CAPN5: variants seen among roughly 807,000 people sequenced by gnomAD.
CAPN5 encodes the protein calpain-5.
In CAPN5, 54 loss-of-function variants were observed where a neutral mutation model predicts 73.0. That is an observed-to-expected ratio of 0.74 (90% CI 0.59 to 0.93). CAPN5 has a LOEUF of 0.93. Among genes scored for constraint, CAPN5 ranks in the 40% least tolerant of loss-of-function variants. CAPN5 has a pLI of 0.00. For missense variants in CAPN5, 785 were observed against 882.9 expected (o/e 0.89, Z 1.41); for synonymous variants, 335 against 356.9 (o/e 0.94, Z 0.69).
chr11:77,102,856 C>T (rs146523768), intron 3 of CAPN5: 20 of 1,597,584 alleles, frequency 1.3e-5, no homozygotes, highest in South Asian at 5.6e-5. Context: ...GAGGACAGGC[C>T]GCAGCAGCCG....
chr11:77,093,657 C>T (rs782573127), intron 2 of CAPN5, 25 bp from the exon 3 acceptor site: 29 of 1,551,676 alleles, frequency 1.9e-5, no homozygotes, highest in South Asian at 2.3e-5. Context: ...CCGCCCCTCA[C>T]GCTCTCTCCT....
At chr11:77,093,616 C>A (rs1950176389) in intron 2 of CAPN5, 66 bp from the exon 3 acceptor site, 3 of 1,506,186 alleles carry the variant, frequency 2.0e-6, no homozygotes, top group Non-Finnish European at 8.9e-7. Flanking sequence ...TCTGTCATGT[C>A]TCCTGCCATG....
At chr11:77,085,153 C>A in intron 2 of CAPN5, 102 bp downstream of exon 2, 3 of 986,080 alleles carry the variant, frequency 3.0e-6, no homozygotes, top group Non-Finnish European at 4.6e-6. Context: ...GCATCCCTGG[C>A]CCCAGGCTGC....
intron 1 of CAPN5, among the ~76,000 whole-genome samples, chr11:77,081,734 G>A (rs1555034633): frequency 1.3e-5 from 2 of 152,180 alleles, no homozygotes; most frequent in Non-Finnish European, 2.9e-5. Context: ...GAATGTGCTA[G>A]GGCTACAGTC....
chr11:77,116,351 C>T (rs376572382), intron 7 of CAPN5, 48 bp downstream of exon 7: 28 of 1,472,262 alleles, frequency 1.9e-5, no homozygotes, highest in African/African-American at 1.1e-4. Flanking sequence ...GGGCTTCCCA[C>T]GGGCCTGGCG....
At chr11:77,080,294 T>A (rs1214587131) in intron 1 of CAPN5, among the ~76,000 whole-genome samples, 1 of 152,236 alleles carries the variant, frequency 6.6e-6, no homozygotes, top group Non-Finnish European at 1.5e-5. Context: ...ATGGCTCTGC[T>A]TATTCTGGGT....
At chr11:77,121,733 C>T (rs1331597516) in intron 10 of CAPN5, among the ~76,000 whole-genome samples, 1 of 152,188 alleles carries the variant, frequency 6.6e-6, no homozygotes, top group Non-Finnish European at 1.5e-5. Context: ...GGATGGGGTA[C>T]CCTTGATAGG....
At chr11:77,071,917 G>A (rs374510187) in intron 1 of CAPN5, among the ~76,000 whole-genome samples, 3 of 152,320 alleles carry the variant, frequency 2.0e-5, no homozygotes, top group African/African-American at 4.8e-5. Context: ...CCAGAGCCCC[G>A]GCCTGCCTGC....
At chr11:77,072,589 G>A (rs1307544863) in intron 1 of CAPN5, among the ~76,000 whole-genome samples, 4 of 152,316 alleles carry the variant, frequency 2.6e-5, no homozygotes, top group Non-Finnish European at 5.9e-5. Flanking sequence ...GGACAGGTTC[G>A]TGCCTCTGCC....
At chr11:77,116,706 C>A (rs1950472185) in intron 7 of CAPN5, among the ~76,000 whole-genome samples, 2 of 152,230 alleles carry the variant, frequency 1.3e-5, no homozygotes, top group South Asian at 4.1e-4. Context: ...CAGCCCCTCT[C>A]CAGGAAGCCC....
Position 77,119,072 on chromosome 11 carries a change from T to G in CAPN5, c.1210T>G (p.Cys404Gly), listed in dbSNP as rs782548747. ...VKKPEDEVLI[C>G]IQQRPKRSTR... ...GAAGCCAGAAGATGAAGTCCTGATC[T>G]GCATCCAGCAGCGGCCAAAGCGGTC... is the stretch of plus-strand genomic sequence containing the variant. The change falls in exon 9 of 13, where the codon TGC becomes GGC. Residue 404 changes from cysteine (C) to glycine (G), a missense_variant. Coordinates refer to ENST00000648180, the MANE Select transcript of CAPN5 (RefSeq NM_004055.5). 6.2e-7 allele frequency: 1 copy of G among 1,614,074 alleles called. No individual in the cohort carries two copies. The highest frequency in any genetic ancestry group is 8.5e-7 in the Non-Finnish European group (1 of 1,179,998).
At position 77,119,153 on chromosome 11, in the gene CAPN5, G is replaced by T; in HGVS notation, c.1290+1G>T. 6.2e-7 allele frequency: 1 copy of T among 1,608,820 alleles called. No homozygotes were observed. The highest frequency in any genetic ancestry group is 1.3e-5 in the African/African-American group (1 of 74,966). ...GGCCATTGGCTTTGACATCTACAAG[G>T]TGAGGCCAGCCGGGTCCCCTGCCGT... is the stretch of plus-strand genomic sequence containing the variant. On this transcript the variant is annotated splice_donor_variant, in intron 9 of 12. Transcript: ENST00000648180. LOFTEE classifies it high-confidence loss of function.
chr11:77,079,173 T>A (rs987790162), intron 1 of CAPN5, among the ~76,000 whole-genome samples: 31 of 143,324 alleles, frequency 2.2e-4, no homozygotes, highest in Admixed American at 1.0e-3. Flanking sequence ...TATTATTATT[T>A]TTCCCTAGAG....
chr11:77,114,164 A>G (rs1950441946), intron 4 of CAPN5, 78 bp from the exon 5 acceptor site: 1 of 1,426,434 alleles, frequency 7.0e-7, no homozygotes, highest in Non-Finnish European at 9.8e-7. Context: ...CTGAGTTTCA[A>G]AAACCTCCCC....
At position 77,112,739 on chromosome 11, in the gene CAPN5, T is replaced by C; in HGVS notation, c.448T>C (p.Cys150Arg). Residue 150 changes from cysteine to arginine, a missense_variant, in exon 4 of 13, where the codon TGC becomes CGC. Cys to Arg is a radical substitution (Grantham distance 180). Transcript: ENST00000648180. Reference sequence around the variant, plus strand: ...CACAGTCAACAACCAGCTCATCTACTGCCACTCCAACTCCCGCAATGAGTT... The same window carrying C: ...CACAGTCAACAACCAGCTCATCTACCGCCACTCCAACTCCCGCAATGAGTT... ...LPTVNNQLIY[C>R]HSNSRNEFWC... The C allele has an allele frequency of 6.2e-7, 1 of 1,614,240 alleles. No homozygotes were observed. Among genetic ancestry groups the C allele is most frequent in the Non-Finnish European group, 8.5e-7 (1 of 1,180,046 alleles).
At chr11:77,088,076 G>A in intron 2 of CAPN5, 1 of 1,525,410 alleles carries the variant, frequency 6.6e-7, no homozygotes, top group Non-Finnish European at 8.8e-7. Flanking sequence ...GCGGCCTCCT[G>A]TCACCCTGTG....
chr11:77,112,636 C>G lies in CAPN5; in HGVS notation c.345C>G (p.Asn115Lys). Residue 115 changes from asparagine to lysine, a missense_variant, in exon 4 of 13, where the codon AAC (asparagine) becomes AAG (lysine). Coordinates refer to ENST00000648180, the MANE Select transcript of CAPN5 (RefSeq NM_004055.5). ...AGGAATGGGACCCCGAAAAGCCCAA[C>G]GCCTACGCGGGCATCTTCCACTTCC... is the stretch of plus-strand genomic sequence containing the variant. Reference protein sequence around the residue: ...KEQEWDPEKPNAYAGIFHFHF... With the variant: ...KEQEWDPEKPKAYAGIFHFHF... 1 of 1,614,186 alleles carries G rather than the reference C, an allele frequency of 6.2e-7. No homozygotes were observed. Among genetic ancestry groups the G allele is most frequent in the South Asian group, 1.1e-5 (1 of 91,076 alleles).
chr11:77,096,379 G>A (rs782029146), intron 3 of CAPN5, among the ~76,000 whole-genome samples: 1 of 152,232 alleles, frequency 6.6e-6, no homozygotes, highest in Non-Finnish European at 1.5e-5. Flanking sequence ...GACCTTTCCA[G>A]TGCCCAGGGT....
chr11:77,093,263 C>T, intron 2 of CAPN5, among the ~76,000 whole-genome samples: 1 of 152,246 alleles, frequency 6.6e-6, no homozygotes, highest in Non-Finnish European at 1.5e-5. Context: ...CCACTTGAAC[C>T]TGCTGTACCC....
Sources: gnomAD v4.1 joint callset for allele counts (sites outside exome capture counted in the v4.1 genomes callset) on GRCh38, gnomAD v4.1.1 for gene constraint, MANE v1.5 for transcripts, NCBI Gene and HGNC (gene_info 2026-07-23, HGNC 2026-07-21) for gene names.